Variants in MCPH1 observed in about 807,000 individuals in gnomAD.
The protein encoded by MCPH1 is microcephalin 1, also known as microcephalin.
MCPH1 carries 104 observed loss-of-function variants against 84.5 expected under a neutral mutation model. The observed-to-expected ratio is 1.23, with a 90% CI of 1.05 to 1.45. The LOEUF (loss-of-function observed/expected upper bound fraction) is 1.45, where lower values mean the gene tolerates loss of function less well. Among genes scored for constraint, MCPH1 ranks in the 40% most tolerant of loss-of-function variants. MCPH1 has a pLI of 0.00. For synonymous variants in MCPH1, 514 were observed against 366.8 expected, an observed-to-expected ratio of 1.40 and a Z score of -4.58; for missense variants, 1,498 against 1,005.7, an observed-to-expected ratio of 1.49 and a Z score of -6.62.
At chr8:6,552,382 T>A (rs1406210977) in intron 12 of MCPH1, among the ~76,000 whole-genome samples, 1 of 152,196 alleles carries the variant, frequency 6.6e-6, no homozygotes, top group South Asian at 2.1e-4. Flanking sequence ...TCATGCAATA[T>A]GCAGAATACA....
At chr8:6,606,579 C>T (rs185693951) in intron 12 of MCPH1, among the ~76,000 whole-genome samples, 95 of 152,336 alleles carry the variant, frequency 6.2e-4, no homozygotes, top group African/African-American at 2.0e-3. Context: ...CCTGCCCCCT[C>T]CCACACAGGG....
intron 12 of MCPH1, chr8:6,520,043 G>A (rs373059384): frequency 6.3e-7 from 1 of 1,593,512 alleles, no homozygotes; most frequent in Middle Eastern, 1.7e-4. Context: ...AAAAGACAAA[G>A]ACTTGTTATT....
At chr8:6,479,007 A>G (rs372151395) in intron 10 of MCPH1, among the ~76,000 whole-genome samples, 3 of 152,222 alleles carry the variant, frequency 2.0e-5, no homozygotes, top group East Asian at 1.9e-4. Flanking sequence ...GTTCACGGCT[A>G]TAATCCCAGC....
intron 4 of MCPH1, among the ~76,000 whole-genome samples, chr8:6,435,179 T>C (rs779308642): frequency 3.3e-5 from 5 of 152,134 alleles, no homozygotes; most frequent in Non-Finnish European, 4.4e-5. Context: ...GCAAGCATAA[T>C]CATGGTTCTT....
intron 12 of MCPH1, among the ~76,000 whole-genome samples, chr8:6,597,933 T>A (rs1160628474): frequency 6.6e-6 from 1 of 152,200 alleles, no homozygotes. Flanking sequence ...CTTGTTGGTC[T>A]TTCTGCCCCC....
chr8:6,480,730 A>C lies in MCPH1; in HGVS notation c.1990A>C (p.Ile664Leu), dbSNP rs1460668601. 4 of 1,614,220 alleles carry C rather than the reference A, an allele frequency of 2.5e-6. 1 individual carries two copies. Among genetic ancestry groups the C allele is most frequent in the South Asian group, 2.2e-5 (2 of 91,086 alleles). Reference protein sequence around the residue: ...SMPSEKQNVVIQVVDKLKGFS... With the variant: ...SMPSEKQNVVLQVVDKLKGFS... The stretch of plus-strand genomic sequence containing the variant: ...ATTTGACAGAAAGCAGAATGTCGTC[A>C]TCCAGGTTGTGGATAAATTGAAAGG... Residue 664 changes from isoleucine to leucine, a missense_variant, in exon 11 of 14, where the codon ATC (isoleucine) becomes CTC (leucine). Coordinates refer to ENST00000344683, the MANE Select transcript of MCPH1 (RefSeq NM_024596.5).
intron 12 of MCPH1, among the ~76,000 whole-genome samples, chr8:6,593,767 G>A (rs1469987111): frequency 6.6e-6 from 1 of 152,224 alleles, no homozygotes; most frequent in African/African-American, 2.4e-5. Context: ...ATGAGGTCAT[G>A]TTATAAAATT....
chr8:6,575,282 C>T (rs1365139961), intron 12 of MCPH1, among the ~76,000 whole-genome samples: 6 of 152,162 alleles, frequency 3.9e-5, no homozygotes, highest in African/African-American at 1.4e-4. Flanking sequence ...AGAAGAACAG[C>T]TGTATAAATT....
intron 12 of MCPH1, among the ~76,000 whole-genome samples, chr8:6,610,473 T>G (rs1830166813): frequency 6.6e-6 from 1 of 152,238 alleles, no homozygotes; most frequent in African/African-American, 2.4e-5. Context: ...CATGCTGCTC[T>G]TTTCAGCCTT....
intron 12 of MCPH1, among the ~76,000 whole-genome samples, chr8:6,611,442 C>G (rs916909601): frequency 7.2e-5 from 11 of 152,160 alleles, no homozygotes; most frequent in African/African-American, 2.4e-4. Context: ...TAACATTGAC[C>G]AATTCATCAC....
At chr8:6,458,016 T>G (rs1294005914) in intron 9 of MCPH1, among the ~76,000 whole-genome samples, 1 of 152,182 alleles carries the variant, frequency 6.6e-6, no homozygotes, top group Non-Finnish European at 1.5e-5. Context: ...TTTAAACTCC[T>G]GAGGTGATTC....
chr8:6,622,009 C>T, intron 13 of MCPH1: 1 of 419,694 alleles, frequency 2.4e-6, no homozygotes, highest in African/African-American at 2.1e-5. Flanking sequence ...TCTCCGGGCA[C>T]CCCTCTTAGA....
intron 12 of MCPH1, among the ~76,000 whole-genome samples, chr8:6,585,952 A>C (rs896681726): frequency 6.6e-6 from 1 of 152,190 alleles, no homozygotes; most frequent in African/African-American, 2.4e-5. Flanking sequence ...AAAGCAAGTG[A>C]AGCCATCCTT....
chr8:6,411,578 A>G (rs952297586), intron 2 of MCPH1, among the ~76,000 whole-genome samples: 2 of 152,212 alleles, frequency 1.3e-5, no homozygotes, highest in African/African-American at 4.8e-5. Context: ...GTGAGAACAA[A>G]TCTTCTAATC....
chr8:6,434,225 C>G (rs1438425790), intron 4 of MCPH1, among the ~76,000 whole-genome samples: 3 of 152,184 alleles, frequency 2.0e-5, no homozygotes. Flanking sequence ...CCCAAAATAA[C>G]AATGTGTCCA....
intron 9 of MCPH1, among the ~76,000 whole-genome samples, chr8:6,457,889 C>A (rs900836501): frequency 6.6e-6 from 1 of 152,104 alleles, no homozygotes; most frequent in Non-Finnish European, 1.5e-5. Context: ...GGTAGTGCTT[C>A]CTGACTGGGC....
intron 13 of MCPH1, among the ~76,000 whole-genome samples, chr8:6,640,369 C>G (rs1366748880): frequency 2.0e-5 from 3 of 152,108 alleles, no homozygotes; most frequent in African/African-American, 4.8e-5. Flanking sequence ...ATGTCCAGTA[C>G]TGGACATAAC....
intron 11 of MCPH1, among the ~76,000 whole-genome samples, chr8:6,483,717 C>T (rs545490713): frequency 1.1e-3 from 170 of 152,144 alleles, no homozygotes; most frequent in Non-Finnish European, 2.1e-3. Flanking sequence ...AAAACTAGCT[C>T]GGCATGGTGG....
chr8:6,599,345 G>C (rs1829189042), intron 12 of MCPH1, among the ~76,000 whole-genome samples: 2 of 152,220 alleles, frequency 1.3e-5, no homozygotes, highest in Admixed American at 1.3e-4. Flanking sequence ...GAGTTAGTCA[G>C]GGACTGCATG....
Sources: allele counts gnomAD v4.1 joint callset (sites outside exome capture counted in the v4.1 genomes callset), GRCh38; gene constraint gnomAD v4.1.1; transcripts MANE v1.5; gene names NCBI Gene and HGNC (gene_info 2026-07-23, HGNC 2026-07-21).